The following C1orf185 variants were observed in gnomAD, a reference collection of about 807,000 sequenced individuals.
C1orf185 encodes uncharacterized protein C1orf185.
In C1orf185, 13 loss-of-function variants were observed where a neutral mutation model predicts 16.1. That is an observed-to-expected ratio of 0.81 (90% confidence interval 0.53 to 1.28). The LOEUF (loss-of-function observed/expected upper bound fraction) is 1.28, where lower values mean the gene tolerates loss of function less well. Among genes scored for constraint, C1orf185 ranks in the 50% most tolerant of loss-of-function variants. C1orf185 has a pLI of 0.00. For synonymous variants in C1orf185, 80 were observed against 76.9 expected, an observed-to-expected ratio of 1.04 and a Z score of -0.21; for missense variants, 220 against 225.2, an observed-to-expected ratio of 0.98 and a Z score of 0.15.
chr1:51,106,211 T>TA lies in C1orf185; in HGVS notation c.16+3962_16+3963insA, dbSNP rs1375350696. ...TGAGTCAGGAATTATATATGAAAATTTAAAAAAAATTTTTCTGATTTTTCT... is the reference window on the plus strand; with the variant it reads ...TGAGTCAGGAATTATATATGAAAATTATAAAAAAAATTTTTCTGATTTTTCT... On this transcript the variant is annotated intron_variant, in intron 1 of 4. Transcript: ENST00000371759. Among the ~76,000 whole-genome samples the TA allele has an allele frequency of 7.2e-5, 11 of 152,050 alleles. No individual in the cohort carries two copies. In the South Asian group the frequency reaches 1.5e-3, roughly 20 times the overall value.
At chr1:51,123,061 C>G (rs977041140) in intron 3 of C1orf185, among the ~76,000 whole-genome samples, 1 of 152,128 alleles carries the variant, frequency 6.6e-6, no homozygotes, top group African/African-American at 2.4e-5. Flanking sequence ...CTGGTGAAAG[C>G]CTTCTTTCTG....
chr1:51,150,192 TTTC>T (rs1243641502), downstream of C1orf185, among the ~76,000 whole-genome samples: 7 of 149,776 alleles, frequency 4.7e-5, no homozygotes, highest in Non-Finnish European at 1.5e-5. Flanking sequence ...ATTGAATGTC[TTTC>T]TTTTTTTTTT....
At chr1:51,116,139 C>T (rs1378222828) in intron 2 of C1orf185, among the ~76,000 whole-genome samples, 4 of 152,068 alleles carry the variant, frequency 2.6e-5, no homozygotes, top group Non-Finnish European at 2.9e-5. Flanking sequence ...CTCATATCTA[C>T]TCAGTTATCT....
At chr1:51,116,353 C>A (rs1287871041) in intron 2 of C1orf185, among the ~76,000 whole-genome samples, 1 of 143,226 alleles carries the variant, frequency 7.0e-6, no homozygotes, top group Non-Finnish European at 1.5e-5. Flanking sequence ...CTTGATCTGT[C>A]ACCAGGCTGG....
downstream of C1orf185, among the ~76,000 whole-genome samples, chr1:51,150,234 C>T (rs866773098): frequency 1.3e-5 from 2 of 151,334 alleles, no homozygotes; most frequent in South Asian, 2.1e-4. Context: ...CTCTGTCACC[C>T]GGGCTAGAGT....
At chr1:51,141,533 G>A (rs1646364499) in intron 3 of C1orf185, among the ~76,000 whole-genome samples, 1 of 152,078 alleles carries the variant, frequency 6.6e-6, no homozygotes, top group African/African-American at 2.4e-5. Flanking sequence ...TTAGCCCTGA[G>A]GTACTCCAAA....
At chr1:51,128,239 T>C (rs1186719659) in intron 3 of C1orf185, among the ~76,000 whole-genome samples, 1 of 152,156 alleles carries the variant, frequency 6.6e-6, no homozygotes, top group East Asian at 1.9e-4. Context: ...TTGTCAAGGC[T>C]TGGGGAGACA....
chr1:51,105,769 T>C lies in C1orf185; in HGVS notation c.16+3520T>C, dbSNP rs553247585. On this transcript the variant is annotated intron_variant, in intron 1 of 4. Transcript: ENST00000371759. ...AAGAGTGGAGTCAAAAAAGTAAAAA[T>C]ACTATCTTTGTATATAATACGACTT... Among the ~76,000 whole-genome samples, 15 of 152,260 alleles carry C rather than the reference T, an allele frequency of 9.9e-5. No homozygotes were observed. In the East Asian group the frequency reaches 2.9e-3, roughly 29 times the overall value.
downstream of C1orf185, among the ~76,000 whole-genome samples, chr1:51,151,536 C>T (rs891272672): frequency 6.6e-6 from 1 of 152,036 alleles, no homozygotes; most frequent in Non-Finnish European, 1.5e-5. Context: ...TGTCCAACTG[C>T]CACAGTAAGA....
chr1:51,123,537 C>A (rs1402970350), intron 3 of C1orf185, among the ~76,000 whole-genome samples: 1 of 152,120 alleles, frequency 6.6e-6, no homozygotes, highest in Non-Finnish European at 1.5e-5. Context: ...TACCAGCGAA[C>A]ACAATTATGG....
intron 3 of C1orf185, among the ~76,000 whole-genome samples, chr1:51,130,239 CT>C (rs1646273073): frequency 6.6e-6 from 1 of 152,122 alleles, no homozygotes; most frequent in Non-Finnish European, 1.5e-5. Context: ...AGGAATGCAG[CT>C]TCTGGTAAGA....
At chr1:51,133,052 C>G (rs146835185) in intron 3 of C1orf185, among the ~76,000 whole-genome samples, 1 of 152,140 alleles carries the variant, frequency 6.6e-6, no homozygotes, top group African/African-American at 2.4e-5. Context: ...ACAAGAGCTC[C>G]TGGAGGAAGC....
At chr1:51,141,832 TATAATTTTTTTTC>T (rs1439700120) in intron 3 of C1orf185, among the ~76,000 whole-genome samples, 2 of 152,152 alleles carry the variant, frequency 1.3e-5, no homozygotes, top group African/African-American at 4.8e-5. Context: ...CTCATATATA[TATAATTTTTTTTC>T]TGTTGAGATG....
intron 1 of C1orf185, among the ~76,000 whole-genome samples, chr1:51,111,272 T>G (rs572229551): frequency 6.6e-6 from 1 of 151,948 alleles, no homozygotes; most frequent in Admixed American, 6.6e-5. Context: ...TTACCATCTA[T>G]AAAATAAAGG....
chr1:51,131,400 G>A (rs1570311918), intron 3 of C1orf185, among the ~76,000 whole-genome samples: 1 of 152,280 alleles, frequency 6.6e-6, no homozygotes, highest in African/African-American at 2.4e-5. Context: ...TTTAGTCAGT[G>A]GTAAGAGCTA....
Position 51,147,543 on chromosome 1 carries a change from C to A in C1orf185, c.372C>A (p.Ser124=), listed in dbSNP as rs1422499030. ...NIICDPSETS[S]TTNRSSVTLS... The stretch of plus-strand genomic sequence containing the variant: ...TTTGTGATCCCTCAGAGACCAGCTC[C>A]ACAACAAATCGCAGCAGTGTTACAT... Residue 124 remains serine (S), a synonymous_variant, in exon 5 of 5, where the codon TCC becomes TCA. Coordinates refer to ENST00000371759, the MANE Select transcript of C1orf185 (RefSeq NM_001136508.2). 4 of 1,551,360 alleles carry A rather than the reference C, an allele frequency of 2.6e-6. No homozygotes were observed. Among genetic ancestry groups the A allele is most frequent in the Non-Finnish European group, 2.6e-6 (3 of 1,146,880 alleles).
intron 2 of C1orf185, among the ~76,000 whole-genome samples, chr1:51,114,367 TTCA>T (rs1323240644): frequency 6.6e-6 from 1 of 152,244 alleles, no homozygotes; most frequent in African/African-American, 2.4e-5. Context: ...TTATAAATGC[TTCA>T]TATGTTATCT....
chr1:51,139,082 A>C (rs1325270031), intron 3 of C1orf185, among the ~76,000 whole-genome samples: 1 of 151,562 alleles, frequency 6.6e-6, no homozygotes, highest in Non-Finnish European at 1.5e-5. Flanking sequence ...TCAGCCTCAA[A>C]TTTCCTTTCT....
In C1orf185 at chr1:51,132,213, T is replaced by C. The variant is rs566901398; in HGVS notation, c.258+13412T>C. On this transcript the variant is annotated intron_variant, in intron 3 of 4. Coordinates refer to ENST00000371759, the MANE Select transcript of C1orf185 (RefSeq NM_001136508.2). ...TTCTTTCCTCCAAATGACCATCAGC[T>C]CTCCAGCAAAGGTTCTGAACCAGGC... 7.2e-5 allele frequency among the ~76,000 whole-genome samples: 11 copies of C among 152,116 alleles called. 1 individual carries two copies. The South Asian group carries it at 1.9e-3, about 26-fold the overall frequency.
Sources: gnomAD v4.1 joint callset for allele counts (sites outside exome capture counted in the v4.1 genomes callset) on GRCh38, gnomAD v4.1.1 for gene constraint, MANE v1.5 for transcripts, NCBI Gene and HGNC (gene_info 2026-07-23, HGNC 2026-07-21) for gene names.